Variants in RNF19A observed in about 807,000 individuals in gnomAD.
The protein encoded by RNF19A is E3 ubiquitin-protein ligase RNF19A.
RNF19A carries 32 observed loss-of-function variants against 75.7 expected under a neutral mutation model. The observed-to-expected ratio is 0.42, with a 90% CI of 0.32 to 0.57. The LOEUF (loss-of-function observed/expected upper bound fraction) is 0.57. Ranked by LOEUF, RNF19A falls within the 20% of genes least tolerant of loss-of-function variation. The pLI is 0.10. For synonymous variants in RNF19A, 335 were observed against 345.2 expected, an observed-to-expected ratio of 0.97 and a Z score of 0.33; for missense variants, 782 against 1,036.3, an observed-to-expected ratio of 0.75 and a Z score of 3.37.
chr8:100,316,585 G>C (rs1007205173), intron 1 of RNF19A, among the ~76,000 whole-genome samples: 2 of 152,152 alleles, frequency 1.3e-5, no homozygotes, highest in Non-Finnish European at 2.9e-5. Context: ...GATACAGAGC[G>C]TCGATTGGTG....
rs1160237725 is a variant in RNF19A, at chr8:100,264,987, C to T, written c.1192-202G>A. On this transcript the variant is annotated intron_variant, in intron 5 of 9. Transcript: ENST00000341084. The surrounding 1 kb of genome is among the most constrained non-coding windows in gnomAD (Gnocchi z 4.7). ...TTGCTCCTTATTAATTTGCTTAAGA[C>T]AGTGATTTAATGGATTTTACTTTGT... Among the ~76,000 whole-genome samples, 1 of 152,096 alleles carries T rather than the reference C, an allele frequency of 6.6e-6. No homozygotes were observed.
rs1227170021 is a variant in RNF19A at position 100,269,830 on chromosome 8, ATTACAT to A, written c.1028+33_1028+38del. 1.4e-6 allele frequency: 2 copies of A among 1,463,994 alleles called. No homozygotes were observed. The highest frequency in any genetic ancestry group is 2.9e-5 in the African/African-American group (2 of 68,900). 90.7% of individuals were successfully genotyped at this position (1,463,994 alleles called of 1,614,324 possible). On this transcript the variant is annotated intron_variant, in intron 4 of 9. Transcript: ENST00000341084. The surrounding 1 kb of genome is among the most constrained non-coding windows in gnomAD (Gnocchi z 5.7). Reference sequence around the variant, plus strand: ...AAGTTATTTTGTCTTACAATATAAAATTACATTTACATATAAATAGCTCCTTCTATA... The same window carrying A: ...AAGTTATTTTGTCTTACAATATAAAATTACATATAAATAGCTCCTTCTATA...
At position 100,264,227 on chromosome 8, in the gene RNF19A, AACAACAACAAAATAACTC is replaced by A; in HGVS notation, c.1307-50_1307-33del. ...AGAAATTAAATCAGTCATTACAAAC[AACAACAACAAAATAACTC>A]ACAGAAACATGAGTTTTAGAAAGTC... On this transcript the variant is annotated intron_variant, in intron 6 of 9. Transcript: ENST00000341084. The surrounding 1 kb of genome is among the most constrained non-coding windows in gnomAD (Gnocchi z 4.7). 6.5e-7 allele frequency: 1 copy of A among 1,547,848 alleles called. No homozygotes were observed. Among genetic ancestry groups the A allele is most frequent in the South Asian group, 1.1e-5 (1 of 87,440 alleles).
At chr8:100,312,150 T>C (rs553482520), upstream of RNF19A, among the ~76,000 whole-genome samples, 3 of 152,338 alleles carry the variant, frequency 2.0e-5, no homozygotes, top group East Asian at 5.8e-4. Context: ...AAGTCCTGTT[T>C]ATTATACCCC....
At chr8:100,313,913 A>T (rs867505201), upstream of RNF19A, among the ~76,000 whole-genome samples, 2 of 48,260 alleles carry the variant, frequency 4.1e-5, no homozygotes, top group African/African-American at 3.2e-4. Flanking sequence ...TTTTTTTTTG[A>T]GACAGAGTCT....
intron 1 of RNF19A, among the ~76,000 whole-genome samples, chr8:100,289,379 A>G (rs1355386822): frequency 6.6e-6 from 1 of 152,230 alleles, no homozygotes; most frequent in African/African-American, 2.4e-5. Flanking sequence ...TAAAATCAAC[A>G]GACAGTATTA....
Position 100,264,040 on chromosome 8 carries a change from C to G in RNF19A, c.1462G>C (p.Ala488Pro). ...CTTTGCTTAAAGGACTTACCTACAG[C>G]TGTGTTAGTTCCACCAACATTTATA... Reference protein sequence around the residue: ...NDINVGGTNTAVDTTSVAEAR... With the variant: ...NDINVGGTNTPVDTTSVAEAR... The change falls in exon 7 of 10, where the codon GCT (alanine) becomes CCT (proline). Residue 488 changes from alanine (A) to proline (P), a missense_variant. By Grantham distance (27) the Ala-to-Pro change is conservative (BLOSUM62 -1). Coordinates refer to ENST00000341084, the MANE Select transcript of RNF19A (RefSeq NM_183419.4). This position sits in a 1 kb window ranked among gnomAD's most constrained non-coding sequence, Gnocchi z 4.7. The G allele has an allele frequency of 6.2e-7, 1 of 1,612,844 alleles. No individual in the cohort carries two copies. Among genetic ancestry groups the G allele is most frequent in the Non-Finnish European group, 8.5e-7 (1 of 1,179,166 alleles).
chr8:100,259,811 A>ACC lies in RNF19A; in HGVS notation c.1826+42_1826+43insGG. 1 of 1,538,044 alleles carries ACC rather than the reference A, an allele frequency of 6.5e-7. No individual in the cohort carries two copies. The highest frequency in any genetic ancestry group is 8.9e-7 in the Non-Finnish European group (1 of 1,123,054). On this transcript the variant is annotated intron_variant, in intron 9 of 9. Coordinates refer to ENST00000341084, the MANE Select transcript of RNF19A (RefSeq NM_183419.4). This position sits in a 1 kb window ranked among gnomAD's most constrained non-coding sequence, Gnocchi z 4.5. The stretch of plus-strand genomic sequence containing the variant: ...GTCTAATGATAGGAATTATTCCTTT[A>ACC]ATTTAAAAAATACTTTCAATTTTTT...
intron 2 of RNF19A, among the ~76,000 whole-genome samples, chr8:100,280,176 C>A (rs1820715914): frequency 6.6e-6 from 1 of 152,126 alleles, no homozygotes; most frequent in Non-Finnish European, 1.5e-5. Flanking sequence ...CCCTTGATTG[C>A]TAGTTTTTAA....
At chr8:100,313,138 C>A (rs1182550367), upstream of RNF19A, among the ~76,000 whole-genome samples, 2 of 152,150 alleles carry the variant, frequency 1.3e-5, no homozygotes, top group Admixed American at 6.5e-5. Flanking sequence ...ATTCGATAAA[C>A]ATTTGAATGC....
At chr8:100,296,454 T>C (rs1339784521) in intron 1 of RNF19A, among the ~76,000 whole-genome samples, 2 of 152,224 alleles carry the variant, frequency 1.3e-5, no homozygotes, top group African/African-American at 4.8e-5. Context: ...TAAACATCTC[T>C]TTCTACAGCC....
intron 2 of RNF19A, among the ~76,000 whole-genome samples, chr8:100,277,891 T>C (rs987525575): frequency 3.9e-5 from 6 of 152,220 alleles, no homozygotes; most frequent in African/African-American, 1.4e-4. Context: ...TCCAAACTTT[T>C]TCTCTACCTA....
Position 100,264,636 on chromosome 8 carries a change from T to G in RNF19A, c.1306+35A>C. 1 of 1,331,422 alleles carries G rather than the reference T, an allele frequency of 7.5e-7. No individual in the cohort carries two copies. The highest frequency in any genetic ancestry group is 1.1e-6 in the Non-Finnish European group (1 of 938,900). 82.5% of individuals were successfully genotyped at this position (1,331,422 alleles called of 1,614,324 possible). ...TCCACAAAACTTTAACTCCATAAAA[T>G]TGTAGGTAATTAGTACTTTTCAGCA... On this transcript the variant is annotated intron_variant, in intron 6 of 9. Coordinates refer to ENST00000341084, the MANE Select transcript of RNF19A (RefSeq NM_183419.4). The surrounding 1 kb of genome is among the most constrained non-coding windows in gnomAD (Gnocchi z 4.7).
chr8:100,316,785 C>T (rs138139483), intron 1 of RNF19A, among the ~76,000 whole-genome samples: 71 of 152,370 alleles, frequency 4.7e-4, no homozygotes, highest in Non-Finnish European at 9.1e-4. Flanking sequence ...ACTCCTCAGC[C>T]CTTGGGTGGT....
At position 100,332,695 on chromosome 8, in the gene RNF19A, T is replaced by C. The variant is rs528773940; in HGVS notation, c.-243+3413A>G. On this transcript the variant is annotated intron_variant, in intron 1 of 3. Transcript: ENST00000519527. This position sits in a 1 kb window ranked among gnomAD's most constrained non-coding sequence, Gnocchi z 4.8. Reference sequence around the variant, plus strand: ...ATTAAACATTTTGGTCTTTGCAAATTTGTTAAAATGTTATCTCATTTTCAT... The same window carrying C: ...ATTAAACATTTTGGTCTTTGCAAATCTGTTAAAATGTTATCTCATTTTCAT... 5.9e-5 allele frequency among the ~76,000 whole-genome samples: 9 copies of C among 152,384 alleles called. No homozygotes were observed. Among genetic ancestry groups the C allele is most frequent in the Admixed American group, 2.0e-4 (3 of 15,314 alleles).
intron 5 of RNF19A, among the ~76,000 whole-genome samples, chr8:100,267,291 A>G (rs1480021434): frequency 6.6e-6 from 1 of 152,212 alleles, no homozygotes; most frequent in Non-Finnish European, 1.5e-5. Context: ...ACACACAGAG[A>G]CCGAAATATC....
At chr8:100,273,133 C>T (rs28583983) in intron 3 of RNF19A, among the ~76,000 whole-genome samples, 13,198 of 152,170 alleles carry the variant, frequency 0.087, 1,927 homozygotes, top group African/African-American at 0.3. Flanking sequence ...TCCCAAAGTG[C>T]TGGGATTACA....
intron 3 of RNF19A, among the ~76,000 whole-genome samples, chr8:100,274,429 G>A (rs1257163910): frequency 1.3e-5 from 2 of 152,048 alleles, no homozygotes; most frequent in East Asian, 3.8e-4. Flanking sequence ...CAGCAAACAA[G>A]TATAAAAAAA....
Position 100,264,471 on chromosome 8 carries a change from G to A in RNF19A, c.1306+200C>T, listed in dbSNP as rs1330365399. On this transcript the variant is annotated intron_variant, in intron 6 of 9. Coordinates refer to ENST00000341084, the MANE Select transcript of RNF19A (RefSeq NM_183419.4). The surrounding 1 kb of genome is among the most constrained non-coding windows in gnomAD (Gnocchi z 4.7). Reference sequence around the variant, plus strand: ...CTCCGAACTGTACTTGGGGTGGAGTGGGGAGGAAGGGTATCAGCCACTAAC... The same window carrying A: ...CTCCGAACTGTACTTGGGGTGGAGTAGGGAGGAAGGGTATCAGCCACTAAC... 2 of 584,694 alleles carry A rather than the reference G, an allele frequency of 3.4e-6. No individual in the cohort carries two copies. Among genetic ancestry groups the A allele is most frequent in the East Asian group, 2.8e-5 (1 of 35,464 alleles). 36.2% of individuals were successfully genotyped at this position (584,694 alleles called of 1,614,324 possible). A position where few individuals can be genotyped will look rare whatever the true frequency, so the allele number is the denominator to read the frequency against.
Sources: allele counts gnomAD v4.1 joint callset (sites outside exome capture counted in the v4.1 genomes callset), GRCh38; gene constraint gnomAD v4.1.1; non-coding constraint Gnocchi (gnomAD v3.1); transcripts MANE v1.5; gene names NCBI Gene and HGNC (gene_info 2026-07-23, HGNC 2026-07-21).